Variants in CTNND2 observed in about 807,000 individuals in gnomAD.
The protein encoded by CTNND2 is catenin delta 2.
Under a neutral mutation model 144.4 loss-of-function variants are expected in CTNND2, and 22 were observed. The observed-to-expected ratio is 0.15, with a 90% CI of 0.11 to 0.22. CTNND2 has a LOEUF of 0.22. Among genes scored for constraint, CTNND2 ranks in the 10% least tolerant of loss-of-function variants. The pLI, the probability that CTNND2 is intolerant of heterozygous loss-of-function variation, is 1.00. For missense variants in CTNND2, 1,353 were observed against 1,618.8 expected (o/e 0.84, Z 2.82); for synonymous variants, 751 against 695.6 (o/e 1.08, Z -1.25).
At chr5:11,284,265 AT>A (rs1313663668) in intron 9 of CTNND2, among the ~76,000 whole-genome samples, 3 of 152,028 alleles carry the variant, frequency 2.0e-5, no homozygotes, top group African/African-American at 7.2e-5. Flanking sequence ...CTATCTCATT[AT>A]TTTTTTATTT....
intron 16 of CTNND2, among the ~76,000 whole-genome samples, chr5:11,026,748 T>A (rs1382414444): frequency 6.6e-5 from 10 of 152,072 alleles, no homozygotes; most frequent in Admixed American, 6.5e-4. Flanking sequence ...AACTATAATA[T>A]TTCAGGAACA....
intron 1 of CTNND2, among the ~76,000 whole-genome samples, chr5:11,816,659 GAGAGGAGGAGAGAGAGAGA>G (rs1792690582): frequency 1.2e-4 from 1 of 8,070 alleles, no homozygotes; most frequent in African/African-American, 3.5e-4. Flanking sequence ...GAGAGAGAGA[GAGAGGAGGAGAGAGAGAGA>G]GGGGGGGAGA....
At chr5:11,709,535 T>C (rs1200717511) in intron 2 of CTNND2, among the ~76,000 whole-genome samples, 2 of 152,216 alleles carry the variant, frequency 1.3e-5, no homozygotes, top group South Asian at 4.1e-4. Flanking sequence ...AACTGTATTA[T>C]AAAATTGTGT....
At chr5:11,573,202 G>A (rs1265054570) in intron 2 of CTNND2, among the ~76,000 whole-genome samples, 1 of 152,150 alleles carries the variant, frequency 6.6e-6, no homozygotes, top group East Asian at 1.9e-4. Context: ...GCAGAATAAG[G>A]TACATGATAA....
At chr5:11,271,708 T>C (rs889253717) in intron 9 of CTNND2, among the ~76,000 whole-genome samples, 1 of 152,196 alleles carries the variant, frequency 6.6e-6, no homozygotes, top group Non-Finnish European at 1.5e-5. Context: ...TACCTTTAAA[T>C]ATCTCATATC....
intron 18 of CTNND2, among the ~76,000 whole-genome samples, chr5:10,998,896 A>G (rs1192691981): frequency 6.6e-6 from 1 of 152,220 alleles, no homozygotes; most frequent in African/African-American, 2.4e-5. Flanking sequence ...CCGGGACTTG[A>G]GCATCTACAA....
intron 10 of CTNND2, among the ~76,000 whole-genome samples, chr5:11,225,159 C>G (rs1302750418): frequency 6.6e-6 from 1 of 152,188 alleles, no homozygotes; most frequent in African/African-American, 2.4e-5. Flanking sequence ...CCACCACATT[C>G]TGGAAAACAG....
At chr5:11,642,083 A>G (rs896505876) in intron 2 of CTNND2, among the ~76,000 whole-genome samples, 6 of 152,138 alleles carry the variant, frequency 3.9e-5, no homozygotes, top group Admixed American at 1.3e-4. Flanking sequence ...TTGTTTCTTA[A>G]AAGTGAAAAA....
At chr5:11,008,236 T>C (rs1236144776) in intron 18 of CTNND2, among the ~76,000 whole-genome samples, 1 of 152,202 alleles carries the variant, frequency 6.6e-6, no homozygotes, top group Non-Finnish European at 1.5e-5. Context: ...CCGGTGAATA[T>C]GCTACCTTAA....
chr5:11,693,460 T>C (rs1465348242), intron 2 of CTNND2, among the ~76,000 whole-genome samples: 1 of 152,252 alleles, frequency 6.6e-6, no homozygotes, highest in Non-Finnish European at 1.5e-5. Flanking sequence ...TTTTTTGTTT[T>C]TGTTTTTATT....
rs61751797 is a variant in CTNND2, at chr5:11,196,045, T to C, written c.1975+3403A>G. On this transcript the variant is annotated intron_variant, in intron 11 of 21. Transcript: ENST00000304623. The stretch of plus-strand genomic sequence containing the variant: ...AGCTGTTTTTTTCAGCATGCATGTT[T>C]ATGCGCTGAATGTAAATGCATGTAA... Among the ~76,000 whole-genome samples, 671 of 152,360 alleles carry C rather than the reference T, an allele frequency of 4.4e-3. 7 individuals carry two copies. Among genetic ancestry groups the C allele is most frequent in the African/African-American group, 0.015 (632 of 41,582 alleles).
At chr5:11,882,789 G>C (rs1389119758) in intron 1 of CTNND2, among the ~76,000 whole-genome samples, 1 of 152,066 alleles carries the variant, frequency 6.6e-6, no homozygotes, top group Admixed American at 6.6e-5. Context: ...TGGCTACTTA[G>C]AGTCTTTTGT....
intron 5 of CTNND2, among the ~76,000 whole-genome samples, chr5:11,407,617 T>C (rs1438533295): frequency 6.6e-6 from 1 of 152,180 alleles, no homozygotes; most frequent in African/African-American, 2.4e-5. Flanking sequence ...ATTTTAGAAC[T>C]TTTCCAGACT....
At chr5:11,662,464 T>C (rs1354807778) in intron 2 of CTNND2, among the ~76,000 whole-genome samples, 2 of 151,856 alleles carry the variant, frequency 1.3e-5, no homozygotes, top group Middle Eastern at 3.2e-3. Context: ...TGGAGAAAGA[T>C]GTAAGCTGGG....
rs567197251 is a variant in CTNND2 at position 11,272,016 on chromosome 5, A to C, written c.1629-35193T>G. Reference sequence around the variant, plus strand: ...TTGGGAATAATACAAATAAAAATATAAAAATGTTTTATAAAATGTTATAAA... The same window carrying C: ...TTGGGAATAATACAAATAAAAATATCAAAATGTTTTATAAAATGTTATAAA... On this transcript the variant is annotated intron_variant, in intron 9 of 21. Coordinates refer to ENST00000304623, the MANE Select transcript of CTNND2 (RefSeq NM_001332.4). 3.3e-5 allele frequency among the ~76,000 whole-genome samples: 5 copies of C among 152,310 alleles called. No homozygotes were observed. The South Asian group carries it at 1.0e-3, about 32-fold the overall frequency.
At chr5:11,652,407 G>A (rs79096326) in intron 2 of CTNND2, among the ~76,000 whole-genome samples, 1,801 of 152,238 alleles carry the variant, frequency 0.012, 29 homozygotes, top group African/African-American at 0.042. Context: ...AAATAACTCA[G>A]TCTCAGGTGG....
At chr5:11,780,868 C>G (rs185952748) in intron 1 of CTNND2, among the ~76,000 whole-genome samples, 1 of 152,152 alleles carries the variant, frequency 6.6e-6, no homozygotes, top group African/African-American at 2.4e-5. Flanking sequence ...AGATGACCCA[C>G]GGAGCCACTG....
rs1561272719 is a variant in CTNND2 at position 11,081,084 on chromosome 5, A to ACACACACACACACACACACACT, written c.2788+1611_2788+1612insAGTGTGTGTGTGTGTGTGTGTG. ...ACATGAGACCCTGTCACACACACACACACACACACACACACACACACACTC... is the reference window on the plus strand; with the variant it reads ...ACATGAGACCCTGTCACACACACACACACACACACACACACACACACTCACACACACACACACACACACACTC... On this transcript the variant is annotated intron_variant, in intron 16 of 21. Coordinates refer to ENST00000304623, the MANE Select transcript of CTNND2 (RefSeq NM_001332.4). 4.9e-4 allele frequency among the ~76,000 whole-genome samples: 74 copies of ACACACACACACACACACACACT among 150,298 alleles called. 1 individual carries two copies. Among genetic ancestry groups the ACACACACACACACACACACACT allele is most frequent in the South Asian group, 6.5e-4 (3 of 4,642 alleles).
intron 5 of CTNND2, among the ~76,000 whole-genome samples, chr5:11,405,246 G>A (rs1159273349): frequency 6.6e-6 from 1 of 152,178 alleles, no homozygotes; most frequent in African/African-American, 2.4e-5. Context: ...TGTCTTTAAT[G>A]AGAAATTTGC....
Sources: allele counts gnomAD v4.1 joint callset (sites outside exome capture counted in the v4.1 genomes callset), GRCh38; gene constraint gnomAD v4.1.1; transcripts MANE v1.5; gene names NCBI Gene and HGNC (gene_info 2026-07-23, HGNC 2026-07-21).